TENM1: variants seen among roughly 807,000 people sequenced by gnomAD.
TENM1 encodes teneurin-1.
In TENM1, 35 loss-of-function variants were observed where a neutral mutation model predicts 174.8. The ratio of observed to expected loss-of-function variants is 0.20; its 90% CI spans 0.15 to 0.27. The LOEUF (loss-of-function observed/expected upper bound fraction) is 0.27, where lower values mean the gene tolerates loss of function less well. TENM1 is among the 10% of genes least tolerant of loss of function. TENM1 has a pLI of 1.00. For synonymous variants in TENM1, 781 were observed against 798.7 expected (o/e 0.98, Z 0.37); for missense variants, 1,633 against 2,130.1 (o/e 0.77, Z 4.59).
intron 3 of TENM1, among the ~76,000 whole-genome samples, chrX:124,773,094 T>C (rs1362583449): frequency 8.9e-6 from 1 of 111,787 alleles, no homozygotes; most frequent in Non-Finnish European, 1.9e-5. Flanking sequence ...CAATGTGCCT[T>C]TCTAATACTC....
intron 3 of TENM1, among the ~76,000 whole-genome samples, chrX:124,865,990 G>A (rs1316529608): frequency 1.8e-5 from 2 of 111,636 alleles, no homozygotes; most frequent in Admixed American, 1.9e-4. Flanking sequence ...AGCCAACACT[G>A]GAGCACCCAG....
chrX:124,510,972 T>A (rs1282326112), intron 18 of TENM1, among the ~76,000 whole-genome samples: 1 of 112,420 alleles, frequency 8.9e-6, no homozygotes, highest in Non-Finnish European at 1.9e-5. Context: ...GACCAGCAGT[T>A]TGAAATGGGC....
At chrX:124,815,052 T>C (rs1251994172) in intron 3 of TENM1, among the ~76,000 whole-genome samples, 1 of 111,774 alleles carries the variant, frequency 8.9e-6, no homozygotes, top group African/African-American at 3.3e-5. Flanking sequence ...TAAGCATCAG[T>C]AGTAATGCAT....
At chrX:125,136,517 T>C in the TENM1 span, among the ~76,000 whole-genome samples, 2 of 111,797 alleles carry the variant, frequency 1.8e-5, 1 homozygote, top group South Asian at 7.5e-4. Flanking sequence ...GGTCACAAAG[T>C]TGGCAAGTGG....
intron 3 of TENM1, among the ~76,000 whole-genome samples, chrX:124,740,427 C>T (rs1231608830): frequency 5.9e-5 from 6 of 101,542 alleles, no homozygotes; most frequent in Admixed American, 4.0e-4. Context: ...AAAGTGCAAT[C>T]ATAGTATTAT....
intron 4 of TENM1, among the ~76,000 whole-genome samples, chrX:124,721,273 C>T (rs2053302740): frequency 9.0e-6 from 1 of 111,653 alleles, no homozygotes; most frequent in Admixed American, 9.5e-5. Flanking sequence ...GTCCACTCTA[C>T]AACATCCCTT....
the TENM1 span, among the ~76,000 whole-genome samples, chrX:125,147,963 A>T: frequency 1.2e-3 from 138 of 111,694 alleles, 2 homozygotes; most frequent in African/African-American, 4.2e-3. Flanking sequence ...TAGAGAAATC[A>T]AGTCGTCATG....
chrX:125,180,297 G>A, the TENM1 span, among the ~76,000 whole-genome samples: 6 of 92,354 alleles, frequency 6.5e-5, no homozygotes, highest in African/African-American at 2.0e-4. Context: ...TTCAACCCCT[G>A]ACCTCAAGTA....
intron 3 of TENM1, among the ~76,000 whole-genome samples, chrX:124,862,161 T>C (rs777567594): frequency 8.9e-6 from 1 of 111,989 alleles, no homozygotes; most frequent in East Asian, 2.8e-4. Context: ...CTTACACATA[T>C]AAACAAAGCC....
chrX:124,807,235 G>A (rs111485128), intron 3 of TENM1, among the ~76,000 whole-genome samples: 1 of 111,751 alleles, frequency 8.9e-6, no homozygotes, highest in Admixed American at 9.5e-5. Context: ...TCCAACATTG[G>A]GGATTACATT....
intron 22 of TENM1, among the ~76,000 whole-genome samples, chrX:124,471,207 T>C (rs1240530885): frequency 2.0e-5 from 1 of 49,330 alleles, no homozygotes; most frequent in African/African-American, 6.7e-5. Context: ...TAATATATAG[T>C]ACTATATATT....
At chrX:124,922,063 T>A (rs375657151) in intron 1 of TENM1, among the ~76,000 whole-genome samples, 152 of 111,442 alleles carry the variant, frequency 1.4e-3, no homozygotes, top group African/African-American at 4.7e-3. Flanking sequence ...ATTATTTAGT[T>A]TGAGTTTTTT....
intron 1 of TENM1, among the ~76,000 whole-genome samples, chrX:124,931,898 C>CAT (rs1052690543): frequency 5.5e-5 from 6 of 109,847 alleles, no homozygotes; most frequent in African/African-American, 2.0e-4. Context: ...CACACACACA[C>CAT]GTACACGCAC....
chrX:125,057,806 G>A, the TENM1 span, among the ~76,000 whole-genome samples: 18 of 111,512 alleles, frequency 1.6e-4, no homozygotes, highest in Admixed American at 1.7e-3. Context: ...TTATCTAAGA[G>A]CAAACTTCAG....
intron 11 of TENM1, among the ~76,000 whole-genome samples, chrX:124,637,773 C>T (rs985085955): frequency 8.9e-6 from 1 of 112,069 alleles, no homozygotes; most frequent in Non-Finnish European, 1.9e-5. Context: ...GGTATTTTCA[C>T]CTTTATTCAC....
intron 3 of TENM1, among the ~76,000 whole-genome samples, chrX:124,740,927 G>A (rs1198362333): frequency 9.0e-6 from 1 of 111,640 alleles, no homozygotes; most frequent in African/African-American, 3.3e-5. Flanking sequence ...GAGAGAGGAA[G>A]GGAGAAGGGG....
intron 15 of TENM1, among the ~76,000 whole-genome samples, chrX:124,535,477 C>T (rs2048187966): frequency 1.8e-5 from 2 of 111,444 alleles, no homozygotes; most frequent in South Asian, 7.6e-4. Flanking sequence ...ACTGTCATGA[C>T]AAAAGGGGTG....
chrX:124,585,535 C>A (rs1290002013), intron 11 of TENM1, among the ~76,000 whole-genome samples: 1 of 111,603 alleles, frequency 9.0e-6, no homozygotes, highest in Non-Finnish European at 1.9e-5. Flanking sequence ...ACATTCAAAG[C>A]AGTGTGTAGA....
the TENM1 span, among the ~76,000 whole-genome samples, chrX:124,994,046 A>G: frequency 1.8e-5 from 2 of 109,998 alleles, no homozygotes; most frequent in African/African-American, 6.6e-5. Context: ...CAGCTTTTCC[A>G]TGGGTGGGTC....
Sources: gnomAD v4.1 joint callset for allele counts (sites outside exome capture counted in the v4.1 genomes callset) on GRCh38, gnomAD v4.1.1 for gene constraint, MANE v1.5 for transcripts, NCBI Gene and HGNC (gene_info 2026-07-23, HGNC 2026-07-21) for gene names.